Variants in NLGN1 observed in about 807,000 individuals in gnomAD.
NLGN1 encodes neuroligin-1.
Under a neutral mutation model 65.5 loss-of-function variants are expected in NLGN1, and 12 were observed. That is an observed-to-expected ratio of 0.18 (90% CI 0.12 to 0.30). The LOEUF (loss-of-function observed/expected upper bound fraction) is 0.30, where lower values mean the gene tolerates loss of function less well. Ranked by LOEUF, NLGN1 falls within the 10% of genes least tolerant of loss-of-function variation. NLGN1 has a pLI of 1.00. For synonymous variants in NLGN1, 350 were observed against 359.5 expected (o/e 0.97, Z 0.30); for missense variants, 750 against 1,007.1 (o/e 0.74, Z 3.46).
At chr3:173,547,389 G>C (rs1309291360) in intron 2 of NLGN1, among the ~76,000 whole-genome samples, 5 of 152,166 alleles carry the variant, frequency 3.3e-5, no homozygotes, top group African/African-American at 4.8e-5. Flanking sequence ...ACTGTCTCCA[G>C]AAGAATGTTA....
chr3:173,937,067 T>G (rs990834046), intron 4 of NLGN1, among the ~76,000 whole-genome samples: 1 of 152,034 alleles, frequency 6.6e-6, no homozygotes, highest in African/African-American at 2.4e-5. Flanking sequence ...CTAATAACTT[T>G]CCTTCTTCCA....
At chr3:173,823,979 A>C (rs925610057) in intron 4 of NLGN1, among the ~76,000 whole-genome samples, 1 of 151,492 alleles carries the variant, frequency 6.6e-6, no homozygotes, top group East Asian at 1.9e-4. Flanking sequence ...CGTTATTTTT[A>C]AGATATTCCT....
At chr3:174,064,242 A>G (rs573035770) in intron 4 of NLGN1, among the ~76,000 whole-genome samples, 29 of 152,236 alleles carry the variant, frequency 1.9e-4, no homozygotes, top group Admixed American at 1.2e-3. Flanking sequence ...TGAAGACAAC[A>G]CTTTTTTCCC....
chr3:174,022,602 G>C (rs1483865205), intron 4 of NLGN1, among the ~76,000 whole-genome samples: 1 of 152,168 alleles, frequency 6.6e-6, no homozygotes, highest in Non-Finnish European at 1.5e-5. Flanking sequence ...ATATGAAAAA[G>C]TGTTCAACAT....
intron 3 of NLGN1, among the ~76,000 whole-genome samples, chr3:173,617,257 C>T (rs1182116900): frequency 6.6e-6 from 1 of 152,174 alleles, no homozygotes; most frequent in Non-Finnish European, 1.5e-5. Context: ...TTCTTCATTA[C>T]ATTTGTATCT....
intron 2 of NLGN1, among the ~76,000 whole-genome samples, chr3:173,592,476 G>A (rs535113968): frequency 2.0e-5 from 3 of 152,134 alleles, no homozygotes; most frequent in Non-Finnish European, 4.4e-5. Context: ...GGAATTAGCT[G>A]CCAGTCTACA....
intron 4 of NLGN1, among the ~76,000 whole-genome samples, chr3:174,220,385 C>T (rs1738412635): frequency 6.6e-6 from 1 of 152,006 alleles, no homozygotes; most frequent in Non-Finnish European, 1.5e-5. Flanking sequence ...CTGGTATAGG[C>T]CTAGAGATAT....
intron 4 of NLGN1, among the ~76,000 whole-genome samples, chr3:174,144,334 G>C (rs1722816309): frequency 6.6e-6 from 1 of 152,148 alleles, no homozygotes; most frequent in Non-Finnish European, 1.5e-5. Context: ...ATTTGGGTTG[G>C]TTTCAAGTCT....
intron 2 of NLGN1, among the ~76,000 whole-genome samples, chr3:173,536,086 T>A (rs1430846956): frequency 6.6e-6 from 1 of 152,116 alleles, no homozygotes; most frequent in East Asian, 1.9e-4. Context: ...TTTGGGTGGG[T>A]GGGAGCCTTA....
intron 4 of NLGN1, among the ~76,000 whole-genome samples, chr3:173,853,338 A>G (rs1025477167): frequency 3.3e-5 from 5 of 152,186 alleles, no homozygotes; most frequent in South Asian, 2.1e-4. Context: ...AAGAATTAGT[A>G]TGAACTTATC....
At chr3:174,277,209 A>C (rs1750741339) in intron 5 of NLGN1, among the ~76,000 whole-genome samples, 1 of 151,938 alleles carries the variant, frequency 6.6e-6, no homozygotes, top group Non-Finnish European at 1.5e-5. Context: ...ATGCTGAAAA[A>C]AATCTCTTGA....
chr3:174,027,066 TAAA>T (rs3035805), intron 4 of NLGN1, among the ~76,000 whole-genome samples: 3 of 149,248 alleles, frequency 2.0e-5, no homozygotes, highest in East Asian at 2.0e-4. Context: ...TCAATTTTTT[TAAA>T]AAAAAAAAAA....
intron 4 of NLGN1, among the ~76,000 whole-genome samples, chr3:174,034,317 G>C (rs1730656967): frequency 7.0e-6 from 1 of 143,544 alleles, no homozygotes; most frequent in Admixed American, 6.8e-5. Flanking sequence ...CATAAGAAAT[G>C]TTAAAAAAAA....
chr3:173,709,393 A>G (rs957999770), intron 3 of NLGN1, among the ~76,000 whole-genome samples: 4 of 152,238 alleles, frequency 2.6e-5, no homozygotes, highest in Admixed American at 6.5e-5. Flanking sequence ...TTGACAAAAA[A>G]CAGTCAAAAC....
chr3:173,856,579 A>C (rs534560996), intron 4 of NLGN1, among the ~76,000 whole-genome samples: 1 of 152,236 alleles, frequency 6.6e-6, no homozygotes, highest in Non-Finnish European at 1.5e-5. Context: ...GTCCAGCAAA[A>C]GCATCAGGGG....
chr3:173,575,909 G>A (rs1745427868), intron 2 of NLGN1, among the ~76,000 whole-genome samples: 3 of 151,996 alleles, frequency 2.0e-5, no homozygotes, highest in Non-Finnish European at 4.4e-5. Flanking sequence ...AGAATGATAT[G>A]GAATAATATA....
At chr3:174,171,065 G>T (rs73035631) in intron 4 of NLGN1, among the ~76,000 whole-genome samples, 2,287 of 152,230 alleles carry the variant, frequency 0.015, 57 homozygotes, top group African/African-American at 0.052. Flanking sequence ...TTTGTTGAAA[G>T]AATAGATAGG....
chr3:173,531,613 G>C (rs1736586917), intron 2 of NLGN1, among the ~76,000 whole-genome samples: 1 of 145,690 alleles, frequency 6.9e-6, no homozygotes, highest in Non-Finnish European at 1.5e-5. Context: ...CATGTTATTA[G>C]TCAGTCAAGT....
intron 4 of NLGN1, among the ~76,000 whole-genome samples, chr3:174,216,391 A>G (rs1297677408): frequency 6.6e-6 from 1 of 152,152 alleles, no homozygotes; most frequent in Non-Finnish European, 1.5e-5. Flanking sequence ...TTCAGGCTTT[A>G]TGGATCAATT....
Sources: gnomAD v4.1 joint callset for allele counts (sites outside exome capture counted in the v4.1 genomes callset) on GRCh38, gnomAD v4.1.1 for gene constraint, MANE v1.5 for transcripts, NCBI Gene and HGNC (gene_info 2026-07-23, HGNC 2026-07-21) for gene names.